The following KPNA1 variants were observed in gnomAD, a reference collection of about 807,000 sequenced individuals.
The protein encoded by KPNA1 is karyopherin subunit alpha 1, also known as importin subunit alpha-5.
KPNA1 carries 10 observed loss-of-function variants against 70.5 expected under a neutral mutation model. The observed-to-expected ratio is 0.14, with a 90% CI of 0.09 to 0.24. The LOEUF is 0.24. KPNA1 is among the 10% of genes least tolerant of loss of function. KPNA1 has a pLI of 1.00. For missense variants in KPNA1, 397 were observed against 637.9 expected, an observed-to-expected ratio of 0.62 and a Z score of 4.07; for synonymous variants, 192 against 221.9, an observed-to-expected ratio of 0.87 and a Z score of 1.20.
rs1405545662 is a variant in KPNA1, at chr3:122,514,223, TC to T, written c.-6+533del. Among the ~76,000 whole-genome samples the T allele has an allele frequency of 9.2e-5, 14 of 151,662 alleles. No homozygotes were observed. In the East Asian group the frequency reaches 2.7e-3, roughly 29 times the overall value. ...CAGCCGGCCGTCTCCACCCCCCGCTTCCCCCACCTCCCTCCGGGCCGCCGGC... is the reference window on the plus strand; with the variant it reads ...CAGCCGGCCGTCTCCACCCCCCGCTTCCCCACCTCCCTCCGGGCCGCCGGC... On this transcript the variant is annotated intron_variant, in intron 1 of 13. Transcript: ENST00000344337.
At position 122,424,748 on chromosome 3, in the gene KPNA1, G is replaced by A. The variant is rs923218192; in HGVS notation, c.*2237C>T. On this transcript the variant is annotated 3_prime_UTR_variant, in exon 14 of 14. Transcript: ENST00000344337. ...AATTATTTTAACTATCCAATGGAAG[G>A]TACATAATTTAAAACATCCTATAGA... The A allele has an allele frequency of 2.0e-5, 3 of 152,436 alleles. No individual in the cohort carries two copies. Among genetic ancestry groups the A allele is most frequent in the African/African-American group, 4.8e-5 (2 of 41,374 alleles). 9.4% of individuals were successfully genotyped at this position (152,436 alleles called of 1,614,324 possible).
At chr3:122,472,180 T>C (rs1160656201) in intron 2 of KPNA1, among the ~76,000 whole-genome samples, 2 of 152,190 alleles carry the variant, frequency 1.3e-5, no homozygotes, top group African/African-American at 4.8e-5. Flanking sequence ...ATAGACCACA[T>C]TCTGGGCCAT....
At chr3:122,465,365 T>C (rs1243596080) in intron 3 of KPNA1, among the ~76,000 whole-genome samples, 2 of 152,166 alleles carry the variant, frequency 1.3e-5, no homozygotes, top group African/African-American at 4.8e-5. Flanking sequence ...TCAGAACACA[T>C]ACATTAGCCT....
chr3:122,447,034 T>C (rs1214742724), intron 9 of KPNA1, among the ~76,000 whole-genome samples: 2 of 152,078 alleles, frequency 1.3e-5, no homozygotes, highest in African/African-American at 4.8e-5. Flanking sequence ...ATTAATAGCC[T>C]ACCAACCAAA....
intron 9 of KPNA1, chr3:122,442,844 G>A (rs1333328102): frequency 1.3e-5 from 2 of 152,202 alleles, no homozygotes; most frequent in Non-Finnish European, 2.9e-5. Context: ...TTCCAAGATA[G>A]CTGAATAGGA....
At chr3:122,437,834 TAA>T (rs745769356) in intron 10 of KPNA1, among the ~76,000 whole-genome samples, 6 of 152,078 alleles carry the variant, frequency 3.9e-5, no homozygotes, top group South Asian at 2.1e-4. Context: ...TAAAATAATA[TAA>T]GTTTGATTAA....
intron 1 of KPNA1, among the ~76,000 whole-genome samples, chr3:122,499,340 G>A (rs545770027): frequency 3.3e-5 from 5 of 152,260 alleles, no homozygotes; most frequent in East Asian, 1.9e-4. Flanking sequence ...CACTTTTATC[G>A]GGCTGAGAAG....
intron 1 of KPNA1, among the ~76,000 whole-genome samples, chr3:122,502,318 T>A (rs929978103): frequency 2.6e-5 from 4 of 152,190 alleles, no homozygotes; most frequent in African/African-American, 9.7e-5. Flanking sequence ...GTGACTTGTA[T>A]TTTGTTATAG....
rs184154696 is a variant in KPNA1 at position 122,475,692 on chromosome 3, A to T, written c.130-8263T>A. Among the ~76,000 whole-genome samples the T allele has an allele frequency of 2.0e-5, 3 of 152,314 alleles. No homozygotes were observed. In the East Asian group the frequency reaches 5.8e-4, roughly 29 times the overall value. On this transcript the variant is annotated intron_variant, in intron 2 of 13. Coordinates refer to ENST00000344337, the MANE Select transcript of KPNA1 (RefSeq NM_002264.4). The stretch of plus-strand genomic sequence containing the variant: ...TAACTTTTAACTCCCCCACAGCCTA[A>T]CTACAAATATGCTACCATTGACTGG...
At chr3:122,503,140 T>G (rs1168027879) in intron 1 of KPNA1, among the ~76,000 whole-genome samples, 4 of 152,116 alleles carry the variant, frequency 2.6e-5, no homozygotes, top group African/African-American at 9.7e-5. Flanking sequence ...AAGCCAACAG[T>G]AAACTCCAAC....
chr3:122,444,571 C>T (rs574560653), intron 9 of KPNA1, among the ~76,000 whole-genome samples: 135 of 152,282 alleles, frequency 8.9e-4, no homozygotes, highest in African/African-American at 2.4e-3. Context: ...TGGCTTCAGC[C>T]GGTCCTTCCA....
chr3:122,470,813 G>C (rs892258014), intron 2 of KPNA1, among the ~76,000 whole-genome samples: 1 of 151,376 alleles, frequency 6.6e-6, no homozygotes, highest in Non-Finnish European at 1.5e-5. Context: ...AACCACAAAG[G>C]CAGAAAAAGA....
At chr3:122,498,157 G>C (rs1447137304) in intron 1 of KPNA1, among the ~76,000 whole-genome samples, 1 of 152,146 alleles carries the variant, frequency 6.6e-6, no homozygotes, top group African/African-American at 2.4e-5. Context: ...GAATGGTCTT[G>C]GCACCTGCTA....
rs3833584 is a variant in KPNA1, at chr3:122,425,912, G to GA, written c.*1072dup. ...AAGATTAGAATCGAGCTGCACCTAAGAAAAAAATCCCAAAGTTACTTTCAA... is the reference window on the plus strand; with the variant it reads ...AAGATTAGAATCGAGCTGCACCTAAGAAAAAAAATCCCAAAGTTACTTTCAA... On this transcript the variant is annotated 3_prime_UTR_variant, in exon 14 of 14. Transcript: ENST00000344337. 3,452 of 152,580 alleles carry GA rather than the reference G, an allele frequency of 0.023. 95 individuals are homozygous for GA. The highest frequency in any genetic ancestry group is 0.12 in the East Asian group (638 of 5,174). 9.5% of individuals were successfully genotyped at this position (152,580 alleles called of 1,614,324 possible). A position where few individuals can be genotyped will look rare whatever the true frequency, so the allele number is the denominator to read the frequency against.
chr3:122,460,107 T>C, intron 5 of KPNA1: 2 of 985,412 alleles, frequency 2.0e-6, no homozygotes, highest in Non-Finnish European at 2.4e-6. Flanking sequence ...AACCAATTTT[T>C]ATAGCTGCAT....
At chr3:122,428,792 A>G (rs920826129) in intron 12 of KPNA1, among the ~76,000 whole-genome samples, 19 of 152,072 alleles carry the variant, frequency 1.2e-4, no homozygotes, top group African/African-American at 4.1e-4. Context: ...AATTCTGGCA[A>G]ACATTTACGG....
In KPNA1 at chr3:122,500,723, C is replaced by A. The variant is rs142638119; in HGVS notation, c.-5-4153G>T. 3.3e-3 allele frequency among the ~76,000 whole-genome samples: 496 copies of A among 152,076 alleles called. 3 individuals are homozygous for A. Among genetic ancestry groups the A allele is most frequent in the African/African-American group, 0.011 (476 of 41,488 alleles). ...GTCTCACCATGTGGGCAACTGGTCT[C>A]GAACTCCTGGGCTCAAGTGATCCTC... On this transcript the variant is annotated intron_variant, in intron 1 of 13. Transcript: ENST00000344337.
chr3:122,436,318 C>T (rs1053685913), intron 11 of KPNA1, among the ~76,000 whole-genome samples: 3 of 152,054 alleles, frequency 2.0e-5, no homozygotes, highest in Admixed American at 6.5e-5. Flanking sequence ...AATTTCGCCC[C>T]GTGCTCTGCC....
intron 2 of KPNA1, among the ~76,000 whole-genome samples, chr3:122,488,767 G>T (rs1343219660): frequency 6.6e-6 from 1 of 152,098 alleles, no homozygotes; most frequent in Non-Finnish European, 1.5e-5. Context: ...TTCCTCTGCA[G>T]GTAACATGTC....
Sources: gnomAD v4.1 joint callset for allele counts (sites outside exome capture counted in the v4.1 genomes callset) on GRCh38, gnomAD v4.1.1 for gene constraint, MANE v1.5 for transcripts, NCBI Gene and HGNC (gene_info 2026-07-23, HGNC 2026-07-21) for gene names.